Variants in DAGLA observed in about 807,000 individuals in gnomAD.
DAGLA encodes the protein diacylglycerol lipase-alpha.
DAGLA carries 22 observed loss-of-function variants against 102.6 expected under a neutral mutation model. That is an observed-to-expected ratio of 0.21 (90% CI 0.15 to 0.31). DAGLA has a LOEUF of 0.31. Among genes scored for constraint, DAGLA ranks in the 10% least tolerant of loss-of-function variants. The probability of loss-of-function intolerance (pLI) is 1.00; values close to 1 mark genes in which losing one functional copy is unlikely to be tolerated. For missense variants in DAGLA, 927 were observed against 1,446.6 expected, an observed-to-expected ratio of 0.64 and a Z score of 5.83; for synonymous variants, 578 against 628.9, an observed-to-expected ratio of 0.92 and a Z score of 1.21.
At chr11:61,700,308 C>G (rs2065099594) in intron 1 of DAGLA, among the ~76,000 whole-genome samples, 1 of 152,242 alleles carries the variant, frequency 6.6e-6, no homozygotes, top group Non-Finnish European at 1.5e-5. Context: ...CTGCAGCAGC[C>G]TGTCTGCAGG....
At chr11:61,721,499 C>T (rs1187412352) in intron 3 of DAGLA, among the ~76,000 whole-genome samples, 1 of 152,286 alleles carries the variant, frequency 6.6e-6, no homozygotes, top group Non-Finnish European at 1.5e-5. Context: ...ACTACAGCGA[C>T]TGTAGGACTC....
intron 3 of DAGLA, among the ~76,000 whole-genome samples, chr11:61,721,217 A>G (rs989825140): frequency 3.3e-5 from 5 of 152,052 alleles, no homozygotes; most frequent in Non-Finnish European, 5.9e-5. Context: ...AACATGGGGA[A>G]ACCCCGTCTC....
intron 1 of DAGLA, among the ~76,000 whole-genome samples, chr11:61,696,807 T>C (rs1033525710): frequency 2.0e-5 from 3 of 151,908 alleles, no homozygotes; most frequent in African/African-American, 7.3e-5. Context: ...AATTACCGTG[T>C]GTAGGGGGCT....
At chr11:61,731,845 C>T (rs2065378119) in intron 9 of DAGLA, among the ~76,000 whole-genome samples, 1 of 152,206 alleles carries the variant, frequency 6.6e-6, no homozygotes, top group South Asian at 2.1e-4. Flanking sequence ...TTCCCTTCTG[C>T]CCACATCTTC....
At chr11:61,688,314 CAAAAAAAA>C (rs1186217122) in intron 1 of DAGLA, among the ~76,000 whole-genome samples, 2 of 73,378 alleles carry the variant, frequency 2.7e-5, no homozygotes, top group African/African-American at 9.5e-5. Context: ...AACTCTGTCT[CAAAAAAAA>C]AAAAAAAAAA....
chr11:61,694,150 G>T (rs1002740480), intron 1 of DAGLA, among the ~76,000 whole-genome samples: 1 of 152,252 alleles, frequency 6.6e-6, no homozygotes, highest in African/African-American at 2.4e-5. Flanking sequence ...TGAGCTTAGG[G>T]TACTCATCTG....
chr11:61,723,904 A>G (rs2065304799), intron 5 of DAGLA, among the ~76,000 whole-genome samples: 1 of 152,240 alleles, frequency 6.6e-6, no homozygotes. Context: ...AATGGTAATA[A>G]CAGTGAAGCC....
At chr11:61,692,251 C>T (rs1254194343) in intron 1 of DAGLA, among the ~76,000 whole-genome samples, 3 of 152,176 alleles carry the variant, frequency 2.0e-5, no homozygotes, top group Non-Finnish European at 4.4e-5. Context: ...CATCCCTTCA[C>T]CACCACCCTC....
At chr11:61,688,314 C>CAAA (rs1186217122) in intron 1 of DAGLA, among the ~76,000 whole-genome samples, 1 of 73,364 alleles carries the variant, frequency 1.4e-5, no homozygotes, top group African/African-American at 4.8e-5. Flanking sequence ...AACTCTGTCT[C>CAAA]AAAAAAAAAA....
rs540475084 is a variant in DAGLA, at chr11:61,684,853, G to A, written c.-45+4349G>A. 6.6e-6 allele frequency among the ~76,000 whole-genome samples: 1 copy of A among 152,192 alleles called. No individual in the cohort carries two copies. Among genetic ancestry groups the A allele is most frequent in the Admixed American group, 6.5e-5 (1 of 15,292 alleles). ...GTTGCCGGGCTCTTCACAGCAGGAG[G>A]GAACAGTGGGAGTCGGAGGAGGCTG... On this transcript the variant is annotated intron_variant, in intron 1 of 19. Coordinates refer to ENST00000257215, the MANE Select transcript of DAGLA (RefSeq NM_006133.3). The surrounding 1 kb of genome is among the most constrained non-coding windows in gnomAD (Gnocchi z 4.5).
In DAGLA at chr11:61,721,796, G is replaced by T. The variant is rs981912375; in HGVS notation, c.307+906G>T. Among the ~76,000 whole-genome samples, 8 of 152,384 alleles carry T rather than the reference G, an allele frequency of 5.2e-5. No individual in the cohort carries two copies. The South Asian group carries it at 6.2e-4, about 12-fold the overall frequency. ...TTTTTCCTGTGTTAACTCACAGGGA[G>T]TGGGTGTTATTGGTCTCCGTTTATA... On this transcript the variant is annotated intron_variant, in intron 3 of 19. Coordinates refer to ENST00000257215, the MANE Select transcript of DAGLA (RefSeq NM_006133.3).
At chr11:61,690,893 T>A (rs777240102) in intron 1 of DAGLA, among the ~76,000 whole-genome samples, 1 of 152,196 alleles carries the variant, frequency 6.6e-6, no homozygotes, top group Non-Finnish European at 1.5e-5. Flanking sequence ...ATCTGTGGCT[T>A]GCACCACCTT....
rs1475130515 is a variant in DAGLA at position 61,680,399 on chromosome 11, C to G, written c.-150C>G. ...CGGGGGGCGGAGGCGGCCTTCGCGC[C>G]GGCGCCGGCGCCCTGCGGAAGCGGC... On this transcript the variant is annotated 5_prime_UTR_variant, in exon 1 of 20. Coordinates refer to ENST00000257215, the MANE Select transcript of DAGLA (RefSeq NM_006133.3). 1 of 151,498 alleles carries G rather than the reference C, an allele frequency of 6.6e-6. No homozygotes were observed. Among genetic ancestry groups the G allele is most frequent in the Non-Finnish European group, 1.5e-5 (1 of 67,900 alleles). The allele number at this position is 151,498 out of a possible 1,614,324, so 9.4% of individuals were successfully genotyped here.
chr11:61,729,736 GC>G (rs1256855194), intron 8 of DAGLA, among the ~76,000 whole-genome samples: 1 of 152,194 alleles, frequency 6.6e-6, no homozygotes. Flanking sequence ...AAGCCTCGGT[GC>G]CAGCCAGGAT....
At chr11:61,739,328 C>T (rs2065454496) in intron 16 of DAGLA, 137 bp from the exon 17 acceptor site, 1 of 861,062 alleles carries the variant, frequency 1.2e-6, no homozygotes, top group Non-Finnish European at 1.8e-6. Context: ...GCTCTGGCCA[C>T]TGCCCTTCCC....
At chr11:61,694,393 C>A (rs779726462) in intron 1 of DAGLA, among the ~76,000 whole-genome samples, 4 of 152,248 alleles carry the variant, frequency 2.6e-5, no homozygotes, top group Non-Finnish European at 5.9e-5. Flanking sequence ...AAGGCCACTG[C>A]TGTCCCCACA....
intron 3 of DAGLA, 77 bp downstream of exon 3, chr11:61,720,967 A>C: frequency 7.2e-7 from 1 of 1,393,726 alleles, no homozygotes; most frequent in Non-Finnish European, 9.9e-7. Context: ...TTTACTGCGC[A>C]CATGTTGCGA....
chr11:61,683,495 G>A (rs1008250629), intron 1 of DAGLA, among the ~76,000 whole-genome samples: 28 of 152,222 alleles, frequency 1.8e-4, no homozygotes, highest in Non-Finnish European at 2.8e-4. Flanking sequence ...CATTAAGGAG[G>A]AAGCCTACAG....
chr11:61,738,032 G>A (rs563385693), intron 15 of DAGLA, 103 bp from the exon 16 acceptor site: 1 of 927,376 alleles, frequency 1.1e-6, no homozygotes, highest in South Asian at 1.5e-5. Flanking sequence ...GTGTCTTCTT[G>A]TTCCAGGGGC....
Sources: gnomAD v4.1 joint callset for allele counts (sites outside exome capture counted in the v4.1 genomes callset) on GRCh38, gnomAD v4.1.1 for gene constraint, Gnocchi (gnomAD v3.1) non-coding constraint, MANE v1.5 for transcripts, NCBI Gene and HGNC (gene_info 2026-07-23, HGNC 2026-07-21) for gene names.